The following CTNNA3 variants were observed in gnomAD, a reference collection of about 807,000 sequenced individuals.
CTNNA3 encodes the protein catenin alpha-3.
In CTNNA3, 76 loss-of-function variants were observed where a neutral mutation model predicts 95.7. The ratio of observed to expected loss-of-function variants is 0.79; its 90% CI spans 0.66 to 0.96. The LOEUF is 0.96. CTNNA3 is among the 40% of genes least tolerant of loss of function. The pLI is 0.00. For synonymous variants in CTNNA3, 431 were observed against 374.4 expected, an observed-to-expected ratio of 1.15 and a Z score of -1.74; for missense variants, 1,191 against 1,089.8, an observed-to-expected ratio of 1.09 and a Z score of -1.31.
chr10:67,603,865 T>C (rs1360676852), intron 3 of CTNNA3, among the ~76,000 whole-genome samples: 3 of 152,210 alleles, frequency 2.0e-5, no homozygotes, highest in Admixed American at 6.5e-5. Context: ...TACAGTGATA[T>C]ACAGTAATGT....
At chr10:66,144,035 C>A (rs1339180465) in intron 13 of CTNNA3, among the ~76,000 whole-genome samples, 11 of 152,174 alleles carry the variant, frequency 7.2e-5, no homozygotes, top group African/African-American at 2.7e-4. Flanking sequence ...CAAAATAATT[C>A]TATGCCCTGA....
At chr10:66,784,352 C>A (rs919852027) in intron 7 of CTNNA3, among the ~76,000 whole-genome samples, 1 of 152,068 alleles carries the variant, frequency 6.6e-6, no homozygotes, top group African/African-American at 2.4e-5. Flanking sequence ...TAAATATATT[C>A]TTTTATAGCA....
At chr10:67,390,087 A>G (rs1844390216) in intron 5 of CTNNA3, among the ~76,000 whole-genome samples, 1 of 152,194 alleles carries the variant, frequency 6.6e-6, no homozygotes, top group African/African-American at 2.4e-5. Flanking sequence ...ATAAAGACAT[A>G]AAAAACCCTT....
At chr10:66,084,536 T>A (rs974559337) in intron 14 of CTNNA3, among the ~76,000 whole-genome samples, 1 of 152,188 alleles carries the variant, frequency 6.6e-6, no homozygotes, top group African/African-American at 2.4e-5. Context: ...GTACCTAAAA[T>A]AGATGTTTAC....
At chr10:67,435,113 A>G (rs1389253023) in intron 5 of CTNNA3, among the ~76,000 whole-genome samples, 1 of 151,778 alleles carries the variant, frequency 6.6e-6, no homozygotes, top group Non-Finnish European at 1.5e-5. Flanking sequence ...TCTTTCTCTC[A>G]TTGCCTTTTA....
chr10:67,488,796 A>G (rs1848547338), intron 5 of CTNNA3, among the ~76,000 whole-genome samples: 1 of 151,532 alleles, frequency 6.6e-6, no homozygotes, highest in Non-Finnish European at 1.5e-5. Flanking sequence ...CAGCCTCCTG[A>G]GTAGCTGGGA....
chr10:66,839,892 C>G (rs1842989614), intron 7 of CTNNA3, among the ~76,000 whole-genome samples: 1 of 150,478 alleles, frequency 6.6e-6, no homozygotes, highest in Admixed American at 6.6e-5. Context: ...GATATCAGCT[C>G]TAACCAGGAA....
chr10:66,411,751 T>G (rs1019923551), intron 11 of CTNNA3, among the ~76,000 whole-genome samples: 1 of 152,070 alleles, frequency 6.6e-6, no homozygotes, highest in South Asian at 2.1e-4. Context: ...ACAACAAACA[T>G]GGTGGAGTTC....
At chr10:66,316,093 A>G (rs1485697713) in intron 12 of CTNNA3, among the ~76,000 whole-genome samples, 1 of 152,166 alleles carries the variant, frequency 6.6e-6, no homozygotes, top group East Asian at 1.9e-4. Context: ...AATAAGACAA[A>G]GAGACTTTCA....
intron 13 of CTNNA3, among the ~76,000 whole-genome samples, chr10:66,267,253 C>T (rs914993444): frequency 3.9e-5 from 6 of 152,078 alleles, no homozygotes; most frequent in African/African-American, 2.4e-5. Flanking sequence ...ACTCCTCCTC[C>T]ACCTGTACAC....
At chr10:65,962,810 G>A (rs1430200254) in intron 17 of CTNNA3, among the ~76,000 whole-genome samples, 2 of 151,418 alleles carry the variant, frequency 1.3e-5, no homozygotes, top group East Asian at 3.9e-4. Context: ...TGTGGTGTTC[G>A]GTTTTCTGTT....
intron 7 of CTNNA3, among the ~76,000 whole-genome samples, chr10:67,000,024 G>GT (rs1186862085): frequency 1.3e-5 from 2 of 152,110 alleles, no homozygotes; most frequent in African/African-American, 4.8e-5. Context: ...TGGGATAGCT[G>GT]TTTTTCACAA....
intron 13 of CTNNA3, among the ~76,000 whole-genome samples, chr10:66,115,513 A>G (rs1178834596): frequency 6.8e-6 from 1 of 146,172 alleles, no homozygotes; most frequent in Non-Finnish European, 1.5e-5. Flanking sequence ...GAATATAGAT[A>G]GATAGATAGA....
chr10:67,717,930 T>C (rs1841154056), intron 1 of CTNNA3, among the ~76,000 whole-genome samples: 1 of 152,216 alleles, frequency 6.6e-6, no homozygotes, highest in Admixed American at 6.5e-5. Context: ...TTTCACAATA[T>C]TCATTCTTCC....
chr10:67,595,654 C>G (rs182677466), intron 3 of CTNNA3, among the ~76,000 whole-genome samples: 22 of 152,180 alleles, frequency 1.4e-4, no homozygotes, highest in African/African-American at 5.1e-4. Context: ...TCTATTCAGT[C>G]AAGTGTTGAG....
In CTNNA3 at chr10:65,913,418, G is replaced by A. The variant is rs1299199796; in HGVS notation, c.*6912C>T. The A allele has an allele frequency of 1.3e-5, 2 of 152,058 alleles. No individual in the cohort carries two copies. The highest frequency in any genetic ancestry group is 4.8e-5 in the African/African-American group (2 of 41,402). The allele number at this position is 152,058 out of a possible 1,614,324, so 9.4% of individuals were successfully genotyped here. A position where few individuals can be genotyped will look rare whatever the true frequency, so the allele number is the denominator to read the frequency against. ...TGTTTTCAGGAACTTGTTAGTCACG[G>A]ATATGGAGGAGAAATTATTATGCTA... is the stretch of plus-strand genomic sequence containing the variant. On this transcript the variant is annotated 3_prime_UTR_variant, in exon 18 of 18. Coordinates refer to ENST00000433211, the MANE Select transcript of CTNNA3 (RefSeq NM_013266.4).
chr10:66,550,622 A>G (rs1842186304), intron 10 of CTNNA3, among the ~76,000 whole-genome samples: 1 of 152,226 alleles, frequency 6.6e-6, no homozygotes, highest in Admixed American at 6.5e-5. Flanking sequence ...GCTAGTTTAC[A>G]TCATTAGCAC....
intron 13 of CTNNA3, among the ~76,000 whole-genome samples, chr10:66,182,292 A>C (rs1218819699): frequency 7.1e-6 from 1 of 140,750 alleles, no homozygotes; most frequent in Non-Finnish European, 1.5e-5. Context: ...GTCTCGCTCT[A>C]TCGCCCAGGC....
At chr10:66,071,329 C>A (rs2080429520) in intron 14 of CTNNA3, among the ~76,000 whole-genome samples, 1 of 31,942 alleles carries the variant, frequency 3.1e-5, no homozygotes, top group South Asian at 1.4e-3. Context: ...TCACTGCCAT[C>A]TGAATAAGAT....
Sources: allele counts gnomAD v4.1 joint callset (sites outside exome capture counted in the v4.1 genomes callset), GRCh38; gene constraint gnomAD v4.1.1; transcripts MANE v1.5; gene names NCBI Gene and HGNC (gene_info 2026-07-23, HGNC 2026-07-21).